The following SPDL1 variants were observed in gnomAD, a reference collection of about 807,000 sequenced individuals.
SPDL1 encodes spindle apparatus coiled-coil protein 1.
Under a neutral mutation model 79.5 loss-of-function variants are expected in SPDL1, and 85 were observed. The ratio of observed to expected loss-of-function variants is 1.07; its 90% CI spans 0.90 to 1.28. The LOEUF is 1.28. Among genes scored for constraint, SPDL1 ranks in the 50% most tolerant of loss-of-function variants. The pLI, the probability that SPDL1 is intolerant of heterozygous loss-of-function variation, is 0.00. For missense variants in SPDL1, 703 were observed against 697.8 expected (o/e 1.01, Z -0.08); for synonymous variants, 269 against 240.3 (o/e 1.12, Z -1.10).
chr5:169,589,298 C>T (rs1755148114), intron 2 of SPDL1, among the ~76,000 whole-genome samples: 1 of 152,182 alleles, frequency 6.6e-6, no homozygotes, highest in East Asian at 1.9e-4. Flanking sequence ...TGCCTGCTTC[C>T]ATTGTTGCCA....
chr5:169,587,430 G>A (rs1402701907), intron 1 of SPDL1: 1 of 152,142 alleles, frequency 6.6e-6, no homozygotes, highest in Non-Finnish European at 1.5e-5. Context: ...AATTAGTAAG[G>A]TTGATTAAAG....
chr5:169,593,459 C>T lies in SPDL1; in HGVS notation c.442C>T (p.Leu148=). 1 of 1,613,998 alleles carries T rather than the reference C, an allele frequency of 6.2e-7. No individual in the cohort carries two copies. The highest frequency in any genetic ancestry group is 2.2e-5 in the East Asian group (1 of 44,878). The change falls in exon 4 of 12, where the codon CTG becomes TTG. Residue 148 remains leucine, a synonymous_variant. Transcript: ENST00000265295. The part of the protein sequence containing the change: ...KELLSCKSEE[L]RVMSERVQES... ...ACTCCTCTCTTGTAAATCAGAGGAA[C>T]TGCGCGTAATGTCTGAACGTGTGCA...
chr5:169,588,284 A>T, intron 1 of SPDL1, 110 bp from the exon 2 acceptor site: 1 of 700,512 alleles, frequency 1.4e-6, no homozygotes, highest in Non-Finnish European at 2.2e-6. Context: ...AGAAAATTTT[A>T]ATGTTTTTAT....
intron 2 of SPDL1, 176 bp downstream of exon 2, chr5:169,588,751 C>T (rs949446824): frequency 3.4e-5 from 17 of 493,528 alleles, no homozygotes; most frequent in African/African-American, 3.4e-4. Context: ...TTATTCTTTC[C>T]ACCCTAGTGT....
intron 7 of SPDL1, chr5:169,596,193 AT>A (rs529662882): frequency 1.9e-3 from 302 of 160,702 alleles, no homozygotes; most frequent in Non-Finnish European, 3.0e-3. Flanking sequence ...TTAATTAAAA[AT>A]TTTGAGAAAC....
chr5:169,593,648 GA>G, intron 4 of SPDL1, 100 bp downstream of exon 4: 1 of 1,243,338 alleles, frequency 8.0e-7, no homozygotes, highest in Non-Finnish European at 1.1e-6. Flanking sequence ...TTTGAAGGCT[GA>G]AACATTTTTT....
rs536238649 is a variant in SPDL1 at position 169,599,369 on chromosome 5, C to T, written c.1324+210C>T. 3.9e-5 allele frequency among the ~76,000 whole-genome samples: 6 copies of T among 152,178 alleles called. No individual in the cohort carries two copies. The East Asian group carries it at 1.2e-3, about 29-fold the overall frequency. On this transcript the variant is annotated intron_variant, in intron 10 of 11. Coordinates refer to ENST00000265295, the MANE Select transcript of SPDL1 (RefSeq NM_017785.5). Reference sequence around the variant, plus strand: ...GGTGTGCCTGAATATAACATGTATCCTTTTTGGATATCTAATTTCATCATA... The same window carrying T: ...GGTGTGCCTGAATATAACATGTATCTTTTTTGGATATCTAATTTCATCATA...
At chr5:169,593,253 A>T in intron 3 of SPDL1, 101 bp from the exon 4 acceptor site, 1 of 1,020,464 alleles carries the variant, frequency 9.8e-7, no homozygotes, top group Non-Finnish European at 1.4e-6. Context: ...AAACTCCAAT[A>T]GTATCATCAT....
chr5:169,598,637 T>G (rs1252777578), intron 9 of SPDL1, 58 bp downstream of exon 9: 2 of 1,352,900 alleles, frequency 1.5e-6, no homozygotes, highest in African/African-American at 2.9e-5. Context: ...ACTATGGTAG[T>G]GTCAGTGACT....
intron 2 of SPDL1, among the ~76,000 whole-genome samples, chr5:169,589,337 C>CT (rs1402614107): frequency 6.6e-6 from 1 of 152,178 alleles, no homozygotes; most frequent in African/African-American, 2.4e-5. Flanking sequence ...CACTCAGCGT[C>CT]TAAGTGGTCG....
At chr5:169,600,019 T>C (rs750160937) in intron 10 of SPDL1, among the ~76,000 whole-genome samples, 6 of 152,322 alleles carry the variant, frequency 3.9e-5, no homozygotes, top group Middle Eastern at 3.4e-3. Context: ...CTGCATCTTA[T>C]ATACTACAGA....
At chr5:169,589,870 T>C (rs970503410) in intron 2 of SPDL1, among the ~76,000 whole-genome samples, 1 of 152,104 alleles carries the variant, frequency 6.6e-6, no homozygotes, top group East Asian at 1.9e-4. Context: ...ATCCGGCTAA[T>C]TTTTGTGTTT....
intron 11 of SPDL1, among the ~76,000 whole-genome samples, chr5:169,602,764 A>G (rs945222743): frequency 6.6e-6 from 1 of 152,236 alleles, no homozygotes; most frequent in South Asian, 2.1e-4. Flanking sequence ...TCTGAGTCAC[A>G]TAAAATAAAA....
intron 2 of SPDL1, 81 bp downstream of exon 2, chr5:169,588,656 T>C: frequency 7.8e-7 from 1 of 1,277,634 alleles, no homozygotes; most frequent in South Asian, 1.8e-5. Context: ...ATAGTAGTAG[T>C]AGTTTATTCT....
At chr5:169,593,065 A>G (rs1012749485) in intron 3 of SPDL1, among the ~76,000 whole-genome samples, 1 of 151,982 alleles carries the variant, frequency 6.6e-6, no homozygotes, top group Non-Finnish European at 1.5e-5. Context: ...GCTTGCTTCC[A>G]TTGTTTCTCT....
rs1352015748 is a variant in SPDL1, at chr5:169,599,069, G to C, written c.1234G>C (p.Ala412Pro). ...TCTAGATATTGAGCGAAAACTTTTTGCAAATGAAAGATGCCTCCAGCTTTC... is the reference window on the plus strand; with the variant it reads ...TCTAGATATTGAGCGAAAACTTTTTCCAAATGAAAGATGCCTCCAGCTTTC... The part of the protein sequence containing the change: ...RALDIERKLF[A>P]NERCLQLSES... Residue 412 changes from alanine (A) to proline (P), a missense_variant, in exon 10 of 12, where the codon GCA becomes CCA. Coordinates refer to ENST00000265295, the MANE Select transcript of SPDL1 (RefSeq NM_017785.5). The C allele has an allele frequency of 6.2e-7, 1 of 1,602,846 alleles. No homozygotes were observed. The highest frequency in any genetic ancestry group is 1.3e-5 in the African/African-American group (1 of 74,686).
chr5:169,591,888 C>T (rs2254334), intron 3 of SPDL1, among the ~76,000 whole-genome samples: 99,081 of 152,048 alleles, frequency 0.65, 32,583 homozygotes, highest in East Asian at 0.73. Flanking sequence ...CAAACATAAA[C>T]GCAAGATAAA....
At chr5:169,590,792 C>T (rs1262772721) in intron 2 of SPDL1, 1 of 526,088 alleles carries the variant, frequency 1.9e-6, no homozygotes, top group Non-Finnish European at 3.7e-6. Context: ...TACCATGGAG[C>T]ACATTTTACT....
At chr5:169,597,478 T>C (rs556894225) in intron 8 of SPDL1, among the ~76,000 whole-genome samples, 54 of 152,316 alleles carry the variant, frequency 3.5e-4, no homozygotes, top group African/African-American at 1.3e-3. Flanking sequence ...TATAAAGGCT[T>C]TTAAGTATGT....
Sources: gnomAD v4.1 joint callset for allele counts (sites outside exome capture counted in the v4.1 genomes callset) on GRCh38, gnomAD v4.1.1 for gene constraint, MANE v1.5 for transcripts, NCBI Gene and HGNC (gene_info 2026-07-23, HGNC 2026-07-21) for gene names.